The following KRT71 variants were observed in gnomAD, a reference collection of about 807,000 sequenced individuals.
KRT71 encodes keratin, type II cytoskeletal 71.
KRT71 carries 42 observed loss-of-function variants against 46.2 expected under a neutral mutation model. The ratio of observed to expected loss-of-function variants is 0.91; its 90% CI spans 0.71 to 1.18. The LOEUF is 1.18. Among genes scored for constraint, KRT71 ranks in the 50% most tolerant of loss-of-function variants. The pLI, the probability that KRT71 is intolerant of heterozygous loss-of-function variation, is 0.00. For missense variants in KRT71, 708 were observed against 677.9 expected, an observed-to-expected ratio of 1.04 and a Z score of -0.49; for synonymous variants, 292 against 277.8, an observed-to-expected ratio of 1.05 and a Z score of -0.51.
intron 2 of KRT71, 81 bp downstream of exon 2, chr12:52,549,948 A>T: frequency 1.9e-6 from 3 of 1,542,098 alleles, no homozygotes; most frequent in South Asian, 2.3e-5. Flanking sequence ...CCTCCAAAGC[A>T]TTTAAGCTGG....
intron 1 of KRT71, among the ~76,000 whole-genome samples, chr12:52,551,866 C>T (rs1939176439): frequency 6.6e-6 from 1 of 152,200 alleles, no homozygotes; most frequent in South Asian, 2.1e-4. Context: ...CTCTAGACAC[C>T]TTTGATTCCT....
At chr12:52,549,228 T>A (rs902717843) in intron 3 of KRT71, 65 bp downstream of exon 3, 11 of 1,247,398 alleles carry the variant, frequency 8.8e-6, no homozygotes, top group Non-Finnish European at 1.1e-5. Context: ...CAGAGCACCT[T>A]GGCAGGCTCT....
At chr12:52,546,028 G>C (rs899625657) in intron 7 of KRT71, among the ~76,000 whole-genome samples, 3 of 151,760 alleles carry the variant, frequency 2.0e-5, no homozygotes, top group African/African-American at 7.3e-5. Context: ...GTTGTTTCTA[G>C]TATGCCCAGG....
rs1939202798 is a variant in KRT71 at position 52,553,030 on chromosome 12, G to A, written c.48C>T (p.Gly16=). The A allele has an allele frequency of 1.2e-6, 2 of 1,600,650 alleles. No individual in the cohort carries two copies. Among genetic ancestry groups the A allele is most frequent in the Admixed American group, 1.7e-5 (1 of 58,430 alleles). ...TCKSGAAAKG[G]FSGCSAVLSG... ...AGAGCACAGCTGAGCAGCCACTGAAGCCCCCCTTGGCGGCAGCTCCCGACT... is the reference window on the plus strand; with the variant it reads ...AGAGCACAGCTGAGCAGCCACTGAAACCCCCCTTGGCGGCAGCTCCCGACT... Residue 16 remains glycine, a synonymous_variant, in exon 1 of 9, where the codon GGC becomes GGT. Coordinates refer to ENST00000267119, the MANE Select transcript of KRT71 (RefSeq NM_033448.3).
chr12:52,547,803 C>T, intron 6 of KRT71, 54 bp downstream of exon 6: 2 of 1,599,668 alleles, frequency 1.3e-6, no homozygotes, highest in East Asian at 2.2e-5. Context: ...CTCATCTCCC[C>T]TCTACTCATG....
intron 4 of KRT71, 40 bp from the exon 5 acceptor site, chr12:52,548,356 G>A: frequency 6.4e-7 from 1 of 1,572,104 alleles, no homozygotes; most frequent in East Asian, 2.2e-5. Context: ...CTCAACTGCT[G>A]TCGGAAGCCA....
chr12:52,546,658 C>T, intron 6 of KRT71, 152 bp from the exon 7 acceptor site: 1 of 738,928 alleles, frequency 1.4e-6, no homozygotes, highest in Non-Finnish European at 2.2e-6. Flanking sequence ...CCTTCTGGGG[C>T]TGGCACCTCC....
At chr12:52,545,139 G>T (rs977790076) in intron 8 of KRT71, among the ~76,000 whole-genome samples, 16 of 152,136 alleles carry the variant, frequency 1.1e-4, no homozygotes, top group Admixed American at 2.6e-4. Context: ...TTTTAGCCCT[G>T]CTAAGCAATG....
Position 52,544,530 on chromosome 12 carries a change from C to T in KRT71, c.*2G>A, listed in dbSNP as rs780465122. 14 of 1,613,774 alleles carry T rather than the reference C, an allele frequency of 8.7e-6. No homozygotes were observed. Among genetic ancestry groups the T allele is most frequent in the Non-Finnish European group, 1.2e-5 (14 of 1,179,820 alleles). ...ATGAGGCGGGGCCCGGGGCAGTCTT[C>T]TCTACCGACTGGTTTTCTTGGAGGG... On this transcript the variant is annotated 3_prime_UTR_variant, in exon 9 of 9. Coordinates refer to ENST00000267119, the MANE Select transcript of KRT71 (RefSeq NM_033448.3).
Position 52,548,440 on chromosome 12 carries a change from T to C in KRT71, c.814-124A>G, listed in dbSNP as rs1592204941. 1.0e-5 allele frequency: 12 copies of C among 1,160,592 alleles called. No homozygotes were observed. The East Asian group carries it at 2.9e-4, about 28-fold the overall frequency. The allele number at this position is 1,160,592 out of a possible 1,614,324, so 71.9% of individuals were successfully genotyped here. On this transcript the variant is annotated intron_variant, in intron 4 of 8. Transcript: ENST00000267119. ...AGGCTGGAACCCAAGGCTGCTGCCA[T>C]CCAGGGCTGTGTGCTTTGCGGCAAA... is the stretch of plus-strand genomic sequence containing the variant.
intron 8 of KRT71, 45 bp from the exon 9 acceptor site, chr12:52,544,788 G>GGGAAAA: frequency 6.5e-7 from 1 of 1,535,968 alleles, no homozygotes; most frequent in Non-Finnish European, 8.8e-7. Flanking sequence ...CAGAGAGCTG[G>GGGAAAA]GGAGGCCTCC....
intron 3 of KRT71, among the ~76,000 whole-genome samples, chr12:52,549,008 G>A (rs988618597): frequency 6.6e-6 from 1 of 152,152 alleles, no homozygotes; most frequent in African/African-American, 2.4e-5. Context: ...TGGTGTCTGA[G>A]CTGGGTCCCG....
chr12:52,549,616 A>G (rs773431077), intron 2 of KRT71, among the ~76,000 whole-genome samples: 1 of 152,198 alleles, frequency 6.6e-6, no homozygotes, highest in Non-Finnish European at 1.5e-5. Flanking sequence ...TCTCAGAGGA[A>G]CCAGGATGTG....
chr12:52,552,577 A>G (rs1939190217), intron 1 of KRT71, 60 bp downstream of exon 1: 1 of 1,495,976 alleles, frequency 6.7e-7, no homozygotes. Context: ...ACAAAATCGT[A>G]TGTTCCAAGA....
At position 52,548,216 on chromosome 12, in the gene KRT71, C is replaced by G. The variant is rs184893629; in HGVS notation, c.914G>C (p.Arg305Pro). 1.9e-6 allele frequency: 3 copies of G among 1,614,198 alleles called. No individual in the cohort carries two copies. The highest frequency in any genetic ancestry group is 2.5e-6 in the Non-Finnish European group (3 of 1,180,026). ...LDLDSIIDEVRTQYEEIALKS... is the reference protein window; with the variant it reads ...LDLDSIIDEVPTQYEEIALKS... ...CAAGGCAATCTCCTCATACTGGGTG[C>G]GGACTTCGTCAATGATGCTGTCCAG... The change falls in exon 5 of 9, where the codon CGC becomes CCC. Residue 305 changes from arginine (R) to proline (P), a missense_variant. Coordinates refer to ENST00000267119, the MANE Select transcript of KRT71 (RefSeq NM_033448.3).
At position 52,552,713 on chromosome 12, in the gene KRT71, T is replaced by C. The variant is rs1406381550; in HGVS notation, c.365A>G (p.Glu122Gly). The C allele has an allele frequency of 6.2e-7, 1 of 1,614,000 alleles. No individual in the cohort carries two copies. Among genetic ancestry groups the C allele is most frequent in the Admixed American group, 1.7e-5 (1 of 60,024 alleles). The change falls in exon 1 of 9, where the codon GAG becomes GGG. Residue 122 changes from glutamate (E) to glycine (G), a missense_variant. By Grantham distance (98) the Glu-to-Gly change is moderately conservative. Transcript: ENST00000267119. ...CTCCTGGGCACGCACTTTCTGGATC[T>C]CGGGGTCCAGCTCCACGTTGAGGGG... ...LAPLNVELDP[E>G]IQKVRAQERE...
intron 2 of KRT71, 121 bp downstream of exon 2, chr12:52,549,908 G>A: frequency 8.7e-7 from 1 of 1,154,690 alleles, no homozygotes; most frequent in Non-Finnish European, 1.3e-6. Flanking sequence ...GATTCTGCTT[G>A]ATATGACCAA....
chr12:52,545,699 C>A, intron 7 of KRT71, 100 bp from the exon 8 acceptor site: 1 of 705,056 alleles, frequency 1.4e-6, no homozygotes, highest in South Asian at 2.0e-5. Context: ...TTTTTGGACC[C>A]AACAGGCACC....
chr12:52,549,158 T>C (rs1467871799), intron 3 of KRT71, 135 bp downstream of exon 3: 1 of 772,934 alleles, frequency 1.3e-6, no homozygotes, highest in East Asian at 2.4e-5. Flanking sequence ...TAGTCTTTCA[T>C]CAAGTTTTCT....
Sources: gnomAD v4.1 joint callset for allele counts (sites outside exome capture counted in the v4.1 genomes callset) on GRCh38, gnomAD v4.1.1 for gene constraint, MANE v1.5 for transcripts, NCBI Gene and HGNC (gene_info 2026-07-23, HGNC 2026-07-21) for gene names.